PHEX: variants seen among roughly 807,000 people sequenced by gnomAD.
PHEX encodes the protein phosphate regulating endopeptidase X-linked.
PHEX carries 16 observed loss-of-function variants against 68.0 expected under a neutral mutation model. The ratio of observed to expected loss-of-function variants is 0.24; its 90% CI spans 0.16 to 0.36. The LOEUF (loss-of-function observed/expected upper bound fraction) is 0.36, where lower values mean the gene tolerates loss of function less well. PHEX is among the 10% of genes least tolerant of loss of function. The pLI is 1.00. For synonymous variants in PHEX, 208 were observed against 205.1 expected (o/e 1.01, Z -0.12); for missense variants, 480 against 575.5 (o/e 0.83, Z 1.70).
At chrX:22,134,747 CTGAGTA>C (rs1223085816) in intron 12 of PHEX, among the ~76,000 whole-genome samples, 1 of 112,031 alleles carries the variant, frequency 8.9e-6, no homozygotes, top group Non-Finnish European at 1.9e-5. Flanking sequence ...TGAAAGCTTC[CTGAGTA>C]TAACAATCAC....
chrX:22,074,133 C>T (rs192592736), intron 3 of PHEX, among the ~76,000 whole-genome samples: 35 of 110,871 alleles, frequency 3.2e-4, no homozygotes, highest in Admixed American at 1.7e-3. Context: ...ACCTGTGGTA[C>T]GCAGGCTTTG....
chrX:22,034,049 C>A (rs776856283), intron 1 of PHEX, among the ~76,000 whole-genome samples: 1 of 112,002 alleles, frequency 8.9e-6, no homozygotes, highest in Admixed American at 9.5e-5. Context: ...TTGAAAACTG[C>A]TAAAATGAGC....
At chrX:22,133,720 A>G (rs1932115562) in intron 12 of PHEX, 96 bp downstream of exon 12, 6 of 635,010 alleles carry the variant, frequency 9.4e-6, no homozygotes, top group Non-Finnish European at 1.3e-5. Context: ...ATATTGACTG[A>G]ACTGTTGACT....
At chrX:22,131,140 A>G (rs1434186006) in intron 11 of PHEX, among the ~76,000 whole-genome samples, 1 of 110,367 alleles carries the variant, frequency 9.1e-6, no homozygotes, top group Non-Finnish European at 1.9e-5. Context: ...CCCGAGTTCC[A>G]GTGATTCTCC....
At chrX:22,207,734 C>T (rs1044336373) in intron 15 of PHEX, among the ~76,000 whole-genome samples, 2 of 111,485 alleles carry the variant, frequency 1.8e-5, no homozygotes, top group African/African-American at 6.5e-5. Flanking sequence ...AAAACTAATT[C>T]TCAAATTTAT....
intron 13 of PHEX, 66 bp downstream of exon 13, chrX:22,168,455 T>A: frequency 1.4e-6 from 1 of 699,225 alleles, no homozygotes; most frequent in Non-Finnish European, 2.3e-6. Flanking sequence ...GCCTTTCAAC[T>A]AACCCAAGTC....
chrX:22,193,029 G>T (rs1225649233), intron 15 of PHEX, among the ~76,000 whole-genome samples: 1 of 111,006 alleles, frequency 9.0e-6, no homozygotes, highest in African/African-American at 3.3e-5. Context: ...TAAATATTTT[G>T]AATGTCACTT....
At chrX:22,218,965 G>GA in intron 16 of PHEX, 71 bp from the exon 17 acceptor site, 1 of 758,477 alleles carries the variant, frequency 1.3e-6, no homozygotes, top group Non-Finnish European at 2.1e-6. Context: ...GCTTTCCATT[G>GA]AAAAAATTAA....
At chrX:22,243,824 ATTG>A (rs1433617063) in intron 20 of PHEX, among the ~76,000 whole-genome samples, 1 of 112,394 alleles carries the variant, frequency 8.9e-6, no homozygotes, top group Admixed American at 9.4e-5. Flanking sequence ...ACGCTTTTAC[ATTG>A]TTGGTGGGAG....
chrX:22,224,995 C>CATACAGCGCTGTATGATATATT (rs1569433299), intron 18 of PHEX, among the ~76,000 whole-genome samples: 2 of 3,205 alleles, frequency 6.2e-4, no homozygotes, highest in Non-Finnish European at 1.3e-3. Flanking sequence ...CTCTGTATGT[C>CATACAGCGCTGTATGATATATT]AGAAGTCTGA....
rs932919307 is a variant in PHEX at position 22,102,713 on chromosome X, A to G, written c.1079+3562A>G. Among the ~76,000 whole-genome samples the G allele has an allele frequency of 1.3e-4, 15 of 112,712 alleles. No individual in the cohort carries two copies. The East Asian group carries it at 3.9e-3, about 29-fold the overall frequency. On this transcript the variant is annotated intron_variant, in intron 9 of 21. Coordinates refer to ENST00000379374, the MANE Select transcript of PHEX (RefSeq NM_000444.6). ...GTAAGCATCTTCAGTGGTGGAACCA[A>G]TGTGAACTTGGGTGTTGCCTGCAAG...
intron 20 of PHEX, among the ~76,000 whole-genome samples, chrX:22,229,822 A>G (rs1467758554): frequency 8.9e-6 from 1 of 112,006 alleles, no homozygotes; most frequent in Non-Finnish European, 1.9e-5. Context: ...GCCCATGCCT[A>G]TGTTCTGAAT....
At chrX:22,235,587 A>C (rs1420155390) in intron 20 of PHEX, among the ~76,000 whole-genome samples, 1 of 110,971 alleles carries the variant, frequency 9.0e-6, no homozygotes, top group Non-Finnish European at 1.9e-5. Context: ...TAAGGGTACT[A>C]ATCCCATTCC....
At chrX:22,243,944 A>G (rs190062907) in intron 20 of PHEX, among the ~76,000 whole-genome samples, 56 of 112,284 alleles carry the variant, frequency 5.0e-4, no homozygotes, top group African/African-American at 1.8e-3. Context: ...ATATACCGAA[A>G]TAATTTTAAA....
At chrX:22,034,471 C>T (rs1210939272) in intron 1 of PHEX, among the ~76,000 whole-genome samples, 1 of 112,509 alleles carries the variant, frequency 8.9e-6, no homozygotes, top group Non-Finnish European at 1.9e-5. Context: ...GGCAGCAAAT[C>T]TTTGTTCTTT....
chrX:22,121,770 T>G (rs1362547755), intron 11 of PHEX, among the ~76,000 whole-genome samples: 2 of 112,113 alleles, frequency 1.8e-5, no homozygotes, highest in Non-Finnish European at 3.8e-5. Context: ...TTAAAGACAT[T>G]GTTCATGTCC....
intron 20 of PHEX, among the ~76,000 whole-genome samples, chrX:22,244,299 A>G (rs5951736): frequency 0.097 from 10,720 of 110,301 alleles, 581 homozygotes; most frequent in East Asian, 0.21. Flanking sequence ...TCGGGGGCTA[A>G]GGGAGGGATA....
chrX:22,126,664 A>AAGTCT (rs1228496146), intron 11 of PHEX, among the ~76,000 whole-genome samples: 1 of 110,554 alleles, frequency 9.0e-6, no homozygotes, highest in Non-Finnish European at 1.9e-5. Flanking sequence ...GAAGGGTAAC[A>AAGTCT]AGTGCCTATG....
intron 14 of PHEX, among the ~76,000 whole-genome samples, chrX:22,189,786 G>T (rs1934142325): frequency 8.9e-6 from 1 of 111,828 alleles, no homozygotes; most frequent in East Asian, 2.8e-4. Flanking sequence ...TTAAGGTTTG[G>T]GTGTAGACTC....
Sources: allele counts gnomAD v4.1 joint callset (sites outside exome capture counted in the v4.1 genomes callset), GRCh38; gene constraint gnomAD v4.1.1; transcripts MANE v1.5; gene names NCBI Gene and HGNC (gene_info 2026-07-23, HGNC 2026-07-21).